Variants in RAVER2 observed in about 807,000 individuals in gnomAD.
RAVER2 encodes ribonucleoprotein, PTB binding 2.
Under a neutral mutation model 78.1 loss-of-function variants are expected in RAVER2, and 46 were observed. That is an observed-to-expected ratio of 0.59 (90% CI 0.46 to 0.75). The LOEUF is 0.75. Ranked by LOEUF, RAVER2 falls within the 30% of genes least tolerant of loss-of-function variation. The pLI is 0.00. For missense variants in RAVER2, 793 were observed against 837.5 expected (o/e 0.95, Z 0.66); for synonymous variants, 311 against 313.3 (o/e 0.99, Z 0.08).
At chr1:64,798,367 A>G (rs971796994) in intron 5 of RAVER2, among the ~76,000 whole-genome samples, 25 of 141,944 alleles carry the variant, frequency 1.8e-4, no homozygotes, top group African/African-American at 5.9e-4. Flanking sequence ...TATTGTGAAT[A>G]ATGCCGCAAT....
intron 2 of RAVER2, among the ~76,000 whole-genome samples, chr1:64,775,196 T>C (rs1350615208): frequency 6.6e-6 from 1 of 152,188 alleles, no homozygotes; most frequent in Non-Finnish European, 1.5e-5. Flanking sequence ...TCGTGAGTTA[T>C]GTTTGGGAGT....
chr1:64,831,893 G>A (rs1348455255), exon 12 of RAVER2: 1 of 152,164 alleles, frequency 6.6e-6, no homozygotes, highest in Non-Finnish European at 1.5e-5. Flanking sequence ...TACGCTACAA[G>A]GGCAGAACTG....
intron 1 of RAVER2, among the ~76,000 whole-genome samples, chr1:64,753,909 T>C (rs939155104): frequency 6.6e-6 from 1 of 152,184 alleles, no homozygotes; most frequent in Admixed American, 6.5e-5. Flanking sequence ...CATTTATTTT[T>C]CTCTGAATAC....
intron 2 of RAVER2, among the ~76,000 whole-genome samples, chr1:64,771,620 G>A (rs945788201): frequency 4.6e-5 from 7 of 152,028 alleles, no homozygotes; most frequent in Admixed American, 3.3e-4. Context: ...GAAATAAAAT[G>A]TGTAACAGCA....
chr1:64,773,900 G>A (rs1652389601), intron 2 of RAVER2, among the ~76,000 whole-genome samples: 1 of 152,134 alleles, frequency 6.6e-6, no homozygotes, highest in East Asian at 1.9e-4. Flanking sequence ...GTATCTCATT[G>A]TGGTTTTGAT....
chr1:64,768,631 G>A lies in RAVER2; in HGVS notation c.250-25G>A, dbSNP rs934978765. ...TAGTAACTGCATTTGTATGTTTACT[G>A]AATTCGTGTTTTTTTCTCTTTCAGG... On this transcript the variant is annotated intron_variant, in intron 1 of 11. Transcript: ENST00000294428. 5.6e-6 allele frequency: 8 copies of A among 1,428,686 alleles called. No individual in the cohort carries two copies. The African/African-American group carries it at 7.1e-5, about 13-fold the overall frequency. 88.5% of individuals were successfully genotyped at this position (1,428,686 alleles called of 1,614,324 possible).
chr1:64,750,288 TC>T (rs1651662177), intron 1 of RAVER2, among the ~76,000 whole-genome samples: 1 of 151,540 alleles, frequency 6.6e-6, no homozygotes, highest in African/African-American at 2.4e-5. Context: ...TTCTGCTCTT[TC>T]TCTTTTCTTT....
intron 11 of RAVER2, among the ~76,000 whole-genome samples, chr1:64,821,856 G>A (rs1003776013): frequency 3.3e-5 from 5 of 152,254 alleles, no homozygotes; most frequent in Non-Finnish European, 1.5e-5. Context: ...ACACAGGAAC[G>A]CACAAAGATT....
intron 4 of RAVER2, among the ~76,000 whole-genome samples, chr1:64,786,832 A>G (rs1285106182): frequency 6.6e-6 from 1 of 152,140 alleles, no homozygotes; most frequent in Non-Finnish European, 1.5e-5. Context: ...TTAGTCACAT[A>G]TATTCTACTA....
chr1:64,815,476 T>C (rs541712792), intron 11 of RAVER2: 4 of 152,356 alleles, frequency 2.6e-5, no homozygotes, highest in African/African-American at 9.6e-5. Context: ...TTGGCCCTTC[T>C]TCAGCTTACT....
At chr1:64,789,563 G>T in intron 5 of RAVER2, 49 bp downstream of exon 5, 1 of 1,345,372 alleles carries the variant, frequency 7.4e-7, no homozygotes, top group Non-Finnish European at 9.7e-7. Context: ...CTAGCATGAA[G>T]TTAATTTTTT....
At chr1:64,786,421 TCTAC>T (rs1444093869) in intron 4 of RAVER2, among the ~76,000 whole-genome samples, 1 of 152,236 alleles carries the variant, frequency 6.6e-6, no homozygotes, top group Non-Finnish European at 1.5e-5. Context: ...TGTTGATGCT[TCTAC>T]CTCCGTTTTC....
At position 64,779,371 on chromosome 1, in the gene RAVER2, G is replaced by T. The variant is rs1216666542; in HGVS notation, c.786+1279G>T. Among the ~76,000 whole-genome samples, 3 of 148,988 alleles carry T rather than the reference G, an allele frequency of 2.0e-5. No homozygotes were observed. The South Asian group carries it at 6.3e-4, about 31-fold the overall frequency. On this transcript the variant is annotated intron_variant, in intron 3 of 11. Coordinates refer to ENST00000294428, the Ensembl canonical transcript of RAVER2. Reference sequence around the variant, plus strand: ...TTCCGCACATGGGTGAAATTTTGCAGTAATATATATTTTTAACATTTTTTT... The same window carrying T: ...TTCCGCACATGGGTGAAATTTTGCATTAATATATATTTTTAACATTTTTTT...
intron 3 of RAVER2, among the ~76,000 whole-genome samples, chr1:64,778,893 A>G (rs1652548072): frequency 6.7e-6 from 1 of 148,238 alleles, no homozygotes; most frequent in Non-Finnish European, 1.5e-5. Context: ...CTTTAATCAT[A>G]CATTTGTTGA....
In RAVER2 at chr1:64,764,363, T is replaced by C. The variant is rs544078285; in HGVS notation, c.250-4293T>C. The stretch of plus-strand genomic sequence containing the variant: ...CATATAGGAAAAAAAAAAACTATTT[T>C]CCCATATGGGAAAAGGGAAAAAAAA... On this transcript the variant is annotated intron_variant, in intron 1 of 11. Transcript: ENST00000294428. 2.6e-5 allele frequency among the ~76,000 whole-genome samples: 4 copies of C among 151,558 alleles called. No homozygotes were observed. In the East Asian group the frequency reaches 7.8e-4, roughly 29 times the overall value.
intron 5 of RAVER2, among the ~76,000 whole-genome samples, chr1:64,802,671 A>G (rs1168410989): frequency 2.0e-5 from 3 of 152,218 alleles, no homozygotes; most frequent in Non-Finnish European, 4.4e-5. Context: ...CATGGGTTCA[A>G]TGAGTATTGT....
At chr1:64,826,192 T>C (rs1429148588) in intron 11 of RAVER2, among the ~76,000 whole-genome samples, 1 of 152,254 alleles carries the variant, frequency 6.6e-6, no homozygotes, top group Non-Finnish European at 1.5e-5. Flanking sequence ...TTCTAGGCAC[T>C]AGGGATATGG....
intron 1 of RAVER2, among the ~76,000 whole-genome samples, chr1:64,760,105 G>GA (rs112327247): frequency 0.14 from 16,707 of 122,294 alleles, 1,775 homozygotes; most frequent in East Asian, 0.34. Flanking sequence ...TTGTGATGTG[G>GA]AAAAAAAAAA....
chr1:64,797,887 T>C (rs1653138922), intron 5 of RAVER2, among the ~76,000 whole-genome samples: 1 of 152,036 alleles, frequency 6.6e-6, no homozygotes, highest in South Asian at 2.1e-4. Context: ...ACTCCATCAA[T>C]AATGTGTGAC....
Sources: gnomAD v4.1 joint callset for allele counts (sites outside exome capture counted in the v4.1 genomes callset) on GRCh38, gnomAD v4.1.1 for gene constraint, MANE v1.5 for transcripts, NCBI Gene and HGNC (gene_info 2026-07-23, HGNC 2026-07-21) for gene names.